Variants in ZFYVE28 observed in about 807,000 individuals in gnomAD.
The protein encoded by ZFYVE28 is zinc finger FYVE-type containing 28.
ZFYVE28 carries 40 observed loss-of-function variants against 82.1 expected under a neutral mutation model. The observed-to-expected ratio is 0.49, with a 90% confidence interval of 0.38 to 0.63. The LOEUF (loss-of-function observed/expected upper bound fraction) is 0.63, where lower values mean the gene tolerates loss of function less well. Among genes scored for constraint, ZFYVE28 ranks in the 30% least tolerant of loss-of-function variants. The probability of loss-of-function intolerance (pLI) is 0.00; values close to 1 mark genes in which losing one functional copy is unlikely to be tolerated. For synonymous variants in ZFYVE28, 612 were observed against 546.1 expected (o/e 1.12, Z -1.68); for missense variants, 1,321 against 1,242.1 (o/e 1.06, Z -0.96).
Position 2,274,157 on chromosome 4 carries a change from G to A in ZFYVE28, c.2111C>T (p.Ala704Val). 1 of 1,613,686 alleles carries A rather than the reference G, an allele frequency of 6.2e-7. No homozygotes were observed. Among genetic ancestry groups the A allele is most frequent in the Non-Finnish European group, 8.5e-7 (1 of 1,179,988 alleles). ...DKMGPEAAPA[A>V]THAAPQATRE... ...TGTGGCCTGTGGGGCAGCATGCGTG[G>A]CTGCTGGGGCCGCCTCTGGCCCCAT... is the stretch of plus-strand genomic sequence containing the variant. The change falls in exon 9 of 13, where the codon GCC (alanine) becomes GTC (valine). Residue 704 changes from alanine to valine, a missense_variant. Physicochemically the swap from Ala to Val is moderately conservative, Grantham distance 64. Around this residue, in one of 2 missense-constraint regions of ZFYVE28, gnomAD observed 978 missense variants for 833.7 expected, o/e 1.17. Transcript: ENST00000290974.
At chr4:2,350,332 C>T (rs552555455) in intron 2 of ZFYVE28, among the ~76,000 whole-genome samples, 196 of 152,026 alleles carry the variant, frequency 1.3e-3, no homozygotes, top group Middle Eastern at 3.4e-3. Flanking sequence ...GGCGAGGTGG[C>T]GGGCGCCTGT....
chr4:2,371,035 G>T (rs1433641906), intron 1 of ZFYVE28, among the ~76,000 whole-genome samples: 1 of 152,236 alleles, frequency 6.6e-6, no homozygotes, highest in Non-Finnish European at 1.5e-5. Context: ...GGCGCAGCCC[G>T]AGTCTGGCTC....
Position 2,270,485 on chromosome 4 carries a change from A to C in ZFYVE28, c.*240T>G. 1.7e-6 allele frequency: 1 copy of C among 576,100 alleles called. No homozygotes were observed. Among genetic ancestry groups the C allele is most frequent in the Non-Finnish European group, 3.0e-6 (1 of 328,476 alleles). 35.7% of individuals were successfully genotyped at this position (576,100 alleles called of 1,614,324 possible). ...GGCACCCTGCCCTGAGGCAGCCACC[A>C]GGCTCCTCCGGGTCCCCTGCTGGGC... On this transcript the variant is annotated 3_prime_UTR_variant, in exon 13 of 13. Coordinates refer to ENST00000290974, the MANE Select transcript of ZFYVE28 (RefSeq NM_020972.3).
intron 9 of ZFYVE28, 85 bp from the exon 10 acceptor site, chr4:2,273,374 A>C (rs1359756965): frequency 4.1e-6 from 5 of 1,219,808 alleles, no homozygotes; most frequent in African/African-American, 1.5e-5. Context: ...GGGCAGACCC[A>C]GCCAGAGCTC....
intron 8 of ZFYVE28, 52 bp from the exon 9 acceptor site, chr4:2,274,268 G>T (rs781623727): frequency 7.6e-6 from 12 of 1,581,270 alleles, no homozygotes; most frequent in Non-Finnish European, 1.0e-5. Flanking sequence ...ATAAGGGGCC[G>T]TGGAGCCCGA....
intron 8 of ZFYVE28, among the ~76,000 whole-genome samples, chr4:2,299,811 T>A (rs73203321): frequency 0.12 from 18,055 of 151,490 alleles, 1,152 homozygotes; most frequent in Non-Finnish European, 0.15. Flanking sequence ...TTTTGTTTTT[T>A]AAAAAGATAG....
In ZFYVE28 at chr4:2,319,324, C is replaced by A. The variant is rs538795258; in HGVS notation, c.803+846G>T. ...GATGAAACATGGACTGAACCAAGCACCCCTGCCCCTGAACCCACTGACGCC... is the reference window on the plus strand; with the variant it reads ...GATGAAACATGGACTGAACCAAGCAACCCTGCCCCTGAACCCACTGACGCC... On this transcript the variant is annotated intron_variant, in intron 7 of 12. Coordinates refer to ENST00000290974, the MANE Select transcript of ZFYVE28 (RefSeq NM_020972.3). 2.8e-4 allele frequency among the ~76,000 whole-genome samples: 43 copies of A among 152,296 alleles called. 1 individual carries two copies. In the South Asian group the frequency reaches 8.9e-3, roughly 32 times the overall value.
At chr4:2,380,864 A>AT (rs1728662595) in intron 1 of ZFYVE28, among the ~76,000 whole-genome samples, 1 of 151,982 alleles carries the variant, frequency 6.6e-6, no homozygotes, top group African/African-American at 2.4e-5. Flanking sequence ...GTCCAATTAA[A>AT]CCTCTTTTTC....
In ZFYVE28 at chr4:2,339,576, C is replaced by T. The variant is rs201209949; in HGVS notation, c.398G>A (p.Arg133His). Residue 133 changes from arginine to histidine, a missense_variant, in exon 4 of 13, where the codon CGC becomes CAC. This residue lies in a region of ZFYVE28 where 343 missense variants were observed against 408.4 expected (regional missense o/e 0.84). Coordinates refer to ENST00000290974, the MANE Select transcript of ZFYVE28 (RefSeq NM_020972.3). The surrounding 1 kb of genome is among the most constrained non-coding windows in gnomAD (Gnocchi z 5.0). ...AMRPLAKELT[R>H]SLEDVRGALR... Reference sequence around the variant, plus strand: ...GGCGCCCCGCACGTCCTCCAGGCTGCGCGTCAGCTCCTTGGCCAGCGGGCG... The same window carrying T: ...GGCGCCCCGCACGTCCTCCAGGCTGTGCGTCAGCTCCTTGGCCAGCGGGCG... 6.8e-6 allele frequency: 11 copies of T among 1,612,460 alleles called. No homozygotes were observed. The highest frequency in any genetic ancestry group is 5.0e-5 in the Admixed American group (3 of 59,842).
chr4:2,289,914 AG>A (rs1713340340), intron 8 of ZFYVE28, among the ~76,000 whole-genome samples: 1 of 116,450 alleles, frequency 8.6e-6, no homozygotes, highest in Non-Finnish European at 2.0e-5. Flanking sequence ...CATCACCCAC[AG>A]GGGACAGCCA....
At position 2,418,012 on chromosome 4, in the gene ZFYVE28, G is replaced by A. The variant is rs998791653; in HGVS notation, c.39+273C>T. Among the ~76,000 whole-genome samples the A allele has an allele frequency of 3.3e-5, 5 of 152,132 alleles. No individual in the cohort carries two copies. Among genetic ancestry groups the A allele is most frequent in the African/African-American group, 1.2e-4 (5 of 41,516 alleles). On this transcript the variant is annotated intron_variant, in intron 1 of 12. Transcript: ENST00000290974. The surrounding 1 kb of genome is among the most constrained non-coding windows in gnomAD (Gnocchi z 4.6). ...GGCCCGTTGTGGCCCTGGATAGAGG[G>A]GGAGGGAAAGTGCGCCCCGGCCCGA...
At position 2,300,434 on chromosome 4, in the gene ZFYVE28, G is replaced by A. The variant is rs1192538235; in HGVS notation, c.2051+3855C>T. Among the ~76,000 whole-genome samples the A allele has an allele frequency of 6.6e-6, 1 of 152,186 alleles. No homozygotes were observed. The highest frequency in any genetic ancestry group is 6.5e-5 in the Admixed American group (1 of 15,282). ...AGTAAAATGAAAAGAGCTGAAGGGC[G>A]TAGGTTCCAGAACATTCACATCTGC... On this transcript the variant is annotated intron_variant, in intron 8 of 12. Transcript: ENST00000290974. The surrounding 1 kb of genome is among the most constrained non-coding windows in gnomAD (Gnocchi z 4.6).
intron 1 of ZFYVE28, among the ~76,000 whole-genome samples, chr4:2,365,032 G>A (rs982961922): frequency 2.0e-5 from 3 of 152,040 alleles, no homozygotes; most frequent in African/African-American, 7.2e-5. Flanking sequence ...AAGTGGGGGA[G>A]GGAGGTGGAG....
rs1735822899 is a variant in ZFYVE28, at chr4:2,270,648, G to T, written c.*77C>A. The T allele has an allele frequency of 6.3e-7, 1 of 1,593,210 alleles. No homozygotes were observed. The highest frequency in any genetic ancestry group is 8.6e-7 in the Non-Finnish European group (1 of 1,168,920). On this transcript the variant is annotated 3_prime_UTR_variant, in exon 13 of 13. Coordinates refer to ENST00000290974, the MANE Select transcript of ZFYVE28 (RefSeq NM_020972.3). ...CGGCAGCGGCCTCATGAGACGCAGT[G>T]AGACCTGCCTGCAGCGTGGCCCCAC...
intron 8 of ZFYVE28, among the ~76,000 whole-genome samples, chr4:2,304,060 G>A (rs1037344990): frequency 1.9e-4 from 29 of 152,348 alleles, no homozygotes; most frequent in Middle Eastern, 3.4e-3. Flanking sequence ...AAGCGGGCCC[G>A]CTGGCGCACA....
chr4:2,353,634 C>T (rs1458997240), intron 2 of ZFYVE28, among the ~76,000 whole-genome samples: 1 of 152,276 alleles, frequency 6.6e-6, no homozygotes, highest in East Asian at 1.9e-4. Context: ...GCAGGCCCAC[C>T]CCTCCCACAC....
intron 1 of ZFYVE28, among the ~76,000 whole-genome samples, chr4:2,390,419 G>C (rs1729706932): frequency 6.6e-6 from 1 of 152,164 alleles, no homozygotes; most frequent in South Asian, 2.1e-4. Context: ...GGCCACCACA[G>C]GGAGCCCCGT....
rs781299745 is a variant in ZFYVE28 at position 2,274,224 on chromosome 4, GAGA to G, written c.2052-11_2052-9del. ...GACCCAGCTGTGGAGCTGCTGCATG[GAGA>G]AGGAGATACCGGTGTGTGGGGTGGG... On this transcript the variant is annotated splice_polypyrimidine_tract_variant and intron_variant, in intron 8 of 12. Coordinates refer to ENST00000290974, the MANE Select transcript of ZFYVE28 (RefSeq NM_020972.3). 3 of 1,611,392 alleles carry G rather than the reference GAGA, an allele frequency of 1.9e-6. No individual in the cohort carries two copies. The highest frequency in any genetic ancestry group is 2.2e-5 in the South Asian group (2 of 91,050).
At position 2,331,473 on chromosome 4, in the gene ZFYVE28, C is replaced by T. The variant is rs78949759; in HGVS notation, c.701+4232G>A. Among the ~76,000 whole-genome samples, 63 of 151,626 alleles carry T rather than the reference C, an allele frequency of 4.2e-4. 1 individual carries two copies. In the East Asian group the frequency reaches 0.012, roughly 28 times the overall value. On this transcript the variant is annotated intron_variant, in intron 6 of 12. Coordinates refer to ENST00000290974, the MANE Select transcript of ZFYVE28 (RefSeq NM_020972.3). ...CCTGGACAACACAGCAAGACCCTGT[C>T]TCTATTTTTTTTTTAATTAAAAAAT...
Sources: gnomAD v4.1 joint callset for allele counts (sites outside exome capture counted in the v4.1 genomes callset) on GRCh38, gnomAD v4.1.1 for gene constraint, gnomAD v4.1.1 regional missense constraint, Gnocchi (gnomAD v3.1) non-coding constraint, MANE v1.5 for transcripts, NCBI Gene and HGNC (gene_info 2026-07-23, HGNC 2026-07-21) for gene names.